Variants in GORASP1 observed in about 807,000 individuals in gnomAD.
The protein encoded by GORASP1 is golgi reassembly stacking protein 1.
In GORASP1, 31 loss-of-function variants were observed where a neutral mutation model predicts 37.7. The ratio of observed to expected loss-of-function variants is 0.82; its 90% CI spans 0.62 to 1.11. The LOEUF (loss-of-function observed/expected upper bound fraction) is 1.11, where lower values mean the gene tolerates loss of function less well. Among genes scored for constraint, GORASP1 ranks in the 50% least tolerant of loss-of-function variants. The probability of loss-of-function intolerance (pLI) is 0.00; values close to 1 mark genes in which losing one functional copy is unlikely to be tolerated. For synonymous variants in GORASP1, 204 were observed against 224.8 expected (o/e 0.91, Z 0.83); for missense variants, 476 against 560.7 (o/e 0.85, Z 1.53).
chr3:39,102,954 G>C lies in GORASP1; in HGVS notation c.145-73C>G. ...AGGACCCTCAGACAAGTCTGGGCCT[G>C]AGATGGGGCAAGGGCCTTAGTGGGC... On this transcript the variant is annotated intron_variant, in intron 2 of 8. Coordinates refer to ENST00000319283, the MANE Select transcript of GORASP1 (RefSeq NM_031899.4). This position sits in a 1 kb window ranked among gnomAD's most constrained non-coding sequence, Gnocchi z 5.0. The C allele has an allele frequency of 7.1e-7, 1 of 1,418,034 alleles. No homozygotes were observed. Among genetic ancestry groups the C allele is most frequent in the South Asian group, 1.1e-5 (1 of 86,988 alleles). The allele number at this position is 1,418,034 out of a possible 1,614,324, so 87.8% of individuals were successfully genotyped here.
rs773067260 is a variant in GORASP1 at position 39,098,299 on chromosome 3, G to A, written c.1260C>T (p.Gly420=). Reference sequence around the variant, plus strand: ...CCTCAGCCTCCGTCCCAGTATCTAGGCCCTCTGTGCTTGCTGGTTCCTCCT... The same window carrying A: ...CCTCAGCCTCCGTCCCAGTATCTAGACCCTCTGTGCTTGCTGGTTCCTCCT... ...QAEEEPASTE[G]LDTGTEAEGL... is the part of the protein sequence containing the mutation. Residue 420 remains glycine, a synonymous_variant, in exon 9 of 9, where the codon GGC becomes GGT. Coordinates refer to ENST00000319283, the MANE Select transcript of GORASP1 (RefSeq NM_031899.4). The surrounding 1 kb of genome is among the most constrained non-coding windows in gnomAD (Gnocchi z 4.7). 2 of 1,614,172 alleles carry A rather than the reference G, an allele frequency of 1.2e-6. No individual in the cohort carries two copies. The highest frequency in any genetic ancestry group is 2.2e-5 in the East Asian group (1 of 44,876).
Position 39,103,664 on chromosome 3 carries a change from T to C in GORASP1, c.64-111A>G, listed in dbSNP as rs772196197. ...CTCCCAGTGTGCCAGCCAGAACACATGTCTGGCATGAACTGTTCCGGACAT... is the reference window on the plus strand; with the variant it reads ...CTCCCAGTGTGCCAGCCAGAACACACGTCTGGCATGAACTGTTCCGGACAT... On this transcript the variant is annotated intron_variant, in intron 1 of 8. Coordinates refer to ENST00000319283, the MANE Select transcript of GORASP1 (RefSeq NM_031899.4). This position sits in a 1 kb window ranked among gnomAD's most constrained non-coding sequence, Gnocchi z 5.2. The C allele has an allele frequency of 1.0e-4, 74 of 729,762 alleles. 1 individual carries two copies. Among genetic ancestry groups the C allele is most frequent in the Non-Finnish European group, 1.6e-4 (69 of 443,694 alleles). 45.2% of individuals were successfully genotyped at this position (729,762 alleles called of 1,614,324 possible).
Position 39,100,543 on chromosome 3 carries a change from C to T in GORASP1, c.567-40G>A, listed in dbSNP as rs1397743070. The T allele has an allele frequency of 6.6e-7, 1 of 1,525,316 alleles. No homozygotes were observed. The highest frequency in any genetic ancestry group is 1.3e-5 in the South Asian group (1 of 76,698). The allele number at this position is 1,525,316 out of a possible 1,614,324, so 94.5% of individuals were successfully genotyped here. A position where few individuals can be genotyped will look rare whatever the true frequency, so the allele number is the denominator to read the frequency against. ...AAACATTCAATCCAGGGGCTTGTCC[C>T]ACGGCCCTCCCTACCTTTGCTATCC... On this transcript the variant is annotated intron_variant, in intron 5 of 8. Coordinates refer to ENST00000319283, the MANE Select transcript of GORASP1 (RefSeq NM_031899.4). The surrounding 1 kb of genome is among the most constrained non-coding windows in gnomAD (Gnocchi z 4.6).
chr3:39,107,216 G>C, intron 1 of GORASP1: 1 of 540,326 alleles, frequency 1.9e-6, no homozygotes, highest in South Asian at 1.7e-5. Flanking sequence ...GGCCGGACCA[G>C]GAAAACGCTC....
chr3:39,099,463 A>G lies in GORASP1; in HGVS notation c.806T>C (p.Leu269Pro). Residue 269 changes from leucine (L) to proline (P), a missense_variant, in exon 7 of 9, where the codon CTT (leucine) becomes CCT (proline). Leu to Pro is a moderately conservative substitution (Grantham distance 98). Transcript: ENST00000319283. The part of the protein sequence containing the change: ...QAPGSSMEDP[L>P]PGPGSPSHSA... ...GTGGCTGGGACTCCCAGGCCCAGGA[A>G]GGGGATCCTCCATGGAGGAGCCAGG... The G allele has an allele frequency of 6.2e-7, 1 of 1,611,456 alleles. No individual in the cohort carries two copies. The highest frequency in any genetic ancestry group is 1.1e-5 in the South Asian group (1 of 90,488).
intron 1 of GORASP1, chr3:39,107,081 C>T (rs1254280764): frequency 2.1e-6 from 1 of 469,228 alleles, no homozygotes; most frequent in Admixed American, 2.3e-5. Flanking sequence ...GCGTGGCTGA[C>T]TCTCTTCCCA....
chr3:39,103,368 T>A lies in GORASP1; in HGVS notation c.144+105A>T. ...AGGGGAGACAGGGCTGGGACTCCCTTTAGAAAAAAAGGGAGGGAAGGGTAG... is the reference window on the plus strand; with the variant it reads ...AGGGGAGACAGGGCTGGGACTCCCTATAGAAAAAAAGGGAGGGAAGGGTAG... On this transcript the variant is annotated intron_variant, in intron 2 of 8. Coordinates refer to ENST00000319283, the MANE Select transcript of GORASP1 (RefSeq NM_031899.4). This position sits in a 1 kb window ranked among gnomAD's most constrained non-coding sequence, Gnocchi z 5.2. 1 of 834,220 alleles carries A rather than the reference T, an allele frequency of 1.2e-6. No individual in the cohort carries two copies. The highest frequency in any genetic ancestry group is 1.9e-6 in the Non-Finnish European group (1 of 520,012). 51.7% of individuals were successfully genotyped at this position (834,220 alleles called of 1,614,324 possible). A position where few individuals can be genotyped will look rare whatever the true frequency, so the allele number is the denominator to read the frequency against.
Position 39,102,619 on chromosome 3 carries a change from A to T in GORASP1, c.348+59T>A. 4.5e-6 allele frequency: 7 copies of T among 1,572,868 alleles called. No individual in the cohort carries two copies. Among genetic ancestry groups the T allele is most frequent in the Non-Finnish European group, 6.1e-6 (7 of 1,146,720 alleles). On this transcript the variant is annotated intron_variant, in intron 3 of 8. Transcript: ENST00000319283. This position sits in a 1 kb window ranked among gnomAD's most constrained non-coding sequence, Gnocchi z 5.0. ...CCCCTCACACCCCGCCCACACCCAG[A>T]CCTGCCCCAGTAAACTCATCCTTCC...
rs764775902 is a variant in GORASP1 at position 39,102,645 on chromosome 3, G to A, written c.348+33C>T. On this transcript the variant is annotated intron_variant, in intron 3 of 8. Transcript: ENST00000319283. This position sits in a 1 kb window ranked among gnomAD's most constrained non-coding sequence, Gnocchi z 5.0. ...CCTGCCCCAGTAAACTCATCCTTCC[G>A]ACACACCCTGCCCTGCCATACCCCA... 1.1e-5 allele frequency: 18 copies of A among 1,609,286 alleles called. No homozygotes were observed. Among genetic ancestry groups the A allele is most frequent in the Middle Eastern group, 3.3e-4 (2 of 6,042 alleles).
intron 1 of GORASP1, among the ~76,000 whole-genome samples, chr3:39,106,290 T>C (rs1449365946): frequency 6.6e-6 from 1 of 152,148 alleles, no homozygotes; most frequent in African/African-American, 2.4e-5. Context: ...AATTTGTCCC[T>C]CTCCATCAGG....
At position 39,099,538 on chromosome 3, in the gene GORASP1, A is replaced by C. The variant is rs775334225; in HGVS notation, c.766-35T>G. The stretch of plus-strand genomic sequence containing the variant: ...AAGAAGAAATGGGTAGGGGACAATC[A>C]GGACAGTGCCTCAAGGTGAAGAATT... On this transcript the variant is annotated intron_variant, in intron 6 of 8. Transcript: ENST00000319283. 9 of 1,594,942 alleles carry C rather than the reference A, an allele frequency of 5.6e-6. No homozygotes were observed. In the East Asian group the frequency reaches 2.0e-4, roughly 36 times the overall value.
In GORASP1 at chr3:39,098,541, G is replaced by A; in HGVS notation, c.1070-52C>T. 1 of 1,570,760 alleles carries A rather than the reference G, an allele frequency of 6.4e-7. No homozygotes were observed. Among genetic ancestry groups the A allele is most frequent in the South Asian group, 1.2e-5 (1 of 83,390 alleles). On this transcript the variant is annotated intron_variant, in intron 8 of 8. Transcript: ENST00000319283. The surrounding 1 kb of genome is among the most constrained non-coding windows in gnomAD (Gnocchi z 4.7). ...AGGTCTGCAAGAACCTAGGGCCATGGTGTTAGGGCCAGTAACCCCACCGAC... is the reference window on the plus strand; with the variant it reads ...AGGTCTGCAAGAACCTAGGGCCATGATGTTAGGGCCAGTAACCCCACCGAC...
Position 39,103,994 on chromosome 3 carries a change from A to T in GORASP1, c.64-441T>A, listed in dbSNP as rs1320412428. Among the ~76,000 whole-genome samples the T allele has an allele frequency of 6.6e-6, 1 of 152,144 alleles. No homozygotes were observed. The highest frequency in any genetic ancestry group is 1.5e-5 in the Non-Finnish European group (1 of 68,006). On this transcript the variant is annotated intron_variant, in intron 1 of 8. Transcript: ENST00000319283. This position sits in a 1 kb window ranked among gnomAD's most constrained non-coding sequence, Gnocchi z 5.2. Reference sequence around the variant, plus strand: ...AGTGGGCAGGCCTCGGGAGGGATACACCCAGGGCTGTACCCAGAAAGAGGG... The same window carrying T: ...AGTGGGCAGGCCTCGGGAGGGATACTCCCAGGGCTGTACCCAGAAAGAGGG...
Position 39,102,805 on chromosome 3 carries a change from ATAT to A in GORASP1, c.218_220del (p.Asn73del), listed in dbSNP as rs753821557. On this transcript the variant is annotated inframe_deletion, in exon 3 of 9. Coordinates refer to ENST00000319283, the MANE Select transcript of GORASP1 (RefSeq NM_031899.4). This position sits in a 1 kb window ranked among gnomAD's most constrained non-coding sequence, Gnocchi z 5.0. ...CACCTCGCGCACCCTCATGGTCTTC[ATAT>A]TGAACACCTCCAGCTTCACGGGCTT... 1.2e-6 allele frequency: 2 copies of A among 1,614,170 alleles called. No individual in the cohort carries two copies. Among genetic ancestry groups the A allele is most frequent in the African/African-American group, 2.7e-5 (2 of 75,036 alleles).
In GORASP1 at chr3:39,105,731, C is replaced by A. The variant is rs1282315209; in HGVS notation, c.63+1748G>T. 6.6e-6 allele frequency among the ~76,000 whole-genome samples: 1 copy of A among 152,168 alleles called. No individual in the cohort carries two copies. Among genetic ancestry groups the A allele is most frequent in the Non-Finnish European group, 1.5e-5 (1 of 68,024 alleles). ...GGTCATGTCACTCCTCCATTTAAAACCTCCTGATGGTTTTACATCTCAGAA... is the reference window on the plus strand; with the variant it reads ...GGTCATGTCACTCCTCCATTTAAAAACTCCTGATGGTTTTACATCTCAGAA... On this transcript the variant is annotated intron_variant, in intron 1 of 8. Coordinates refer to ENST00000319283, the MANE Select transcript of GORASP1 (RefSeq NM_031899.4). The surrounding 1 kb of genome is among the most constrained non-coding windows in gnomAD (Gnocchi z 5.4).
rs923346973 is a variant in GORASP1, at chr3:39,100,648, C to T, written c.566+99G>A. On this transcript the variant is annotated intron_variant, in intron 5 of 8. Transcript: ENST00000319283. The surrounding 1 kb of genome is among the most constrained non-coding windows in gnomAD (Gnocchi z 4.6). The stretch of plus-strand genomic sequence containing the variant: ...AGCCTCAGGATCCCTGGGCCCAGGG[C>T]CCAACCCTCCTCCATCTCCACCATA... 6.5e-7 allele frequency: 1 copy of T among 1,527,110 alleles called. No homozygotes were observed. The highest frequency in any genetic ancestry group is 8.9e-7 in the Non-Finnish European group (1 of 1,129,252). The allele number at this position is 1,527,110 out of a possible 1,614,324, so 94.6% of individuals were successfully genotyped here.
chr3:39,097,976 C>G lies in GORASP1; in HGVS notation c.*260G>C. On this transcript the variant is annotated 3_prime_UTR_variant, in exon 9 of 9. Coordinates refer to ENST00000319283, the MANE Select transcript of GORASP1 (RefSeq NM_031899.4). ...ACAGCAACCCCTTCCTTCCTCACCTCATCTTCACACTGGATTATGACCAGA... is the reference window on the plus strand; with the variant it reads ...ACAGCAACCCCTTCCTTCCTCACCTGATCTTCACACTGGATTATGACCAGA... 1.9e-6 allele frequency: 1 copy of G among 516,944 alleles called. No homozygotes were observed. Among genetic ancestry groups the G allele is most frequent in the Non-Finnish European group, 3.5e-6 (1 of 287,974 alleles). The allele number at this position is 516,944 out of a possible 1,614,324, so 32.0% of individuals were successfully genotyped here.
intron 7 of GORASP1, 116 bp from the exon 8 acceptor site, chr3:39,099,009 C>A: frequency 7.4e-7 from 1 of 1,348,042 alleles, no homozygotes. Flanking sequence ...GTAATCTCCT[C>A]AGCCCCTGGT....
Position 39,107,468 on chromosome 3 carries a change from C to G in GORASP1, c.63+11G>C. 7.4e-7 allele frequency: 1 copy of G among 1,349,326 alleles called. No homozygotes were observed. Among genetic ancestry groups the G allele is most frequent in the Non-Finnish European group, 9.5e-7 (1 of 1,056,164 alleles). The allele number at this position is 1,349,326 out of a possible 1,614,324, so 83.6% of individuals were successfully genotyped here. A position where few individuals can be genotyped will look rare whatever the true frequency, so the allele number is the denominator to read the frequency against. On this transcript the variant is annotated intron_variant, in intron 1 of 8. Coordinates refer to ENST00000319283, the MANE Select transcript of GORASP1 (RefSeq NM_031899.4). ...CTCGCCAAGGTCACCGGCGCCGCGG[C>G]GGCAACTCACCCCGTGGAGGTGGAA...
Sources: gnomAD v4.1 joint callset for allele counts (sites outside exome capture counted in the v4.1 genomes callset) on GRCh38, gnomAD v4.1.1 for gene constraint, Gnocchi (gnomAD v3.1) non-coding constraint, MANE v1.5 for transcripts, NCBI Gene and HGNC (gene_info 2026-07-23, HGNC 2026-07-21) for gene names.